The following HEXD variants were observed in gnomAD, a reference collection of about 807,000 sequenced individuals.
HEXD encodes hexosaminidase D.
A neutral mutation model predicts 54.2 loss-of-function variants in HEXD; 47 were observed. The observed-to-expected ratio is 0.87, with a 90% CI of 0.69 to 1.11. The LOEUF (loss-of-function observed/expected upper bound fraction) is 1.11. Ranked by LOEUF, HEXD falls within the 50% of genes least tolerant of loss-of-function variation. HEXD has a pLI of 0.00. For synonymous variants in HEXD, 293 were observed against 287.6 expected, an observed-to-expected ratio of 1.02 and a Z score of -0.19; for missense variants, 576 against 649.2, an observed-to-expected ratio of 0.89 and a Z score of 1.23.
At position 82,442,480 on chromosome 17, in the gene HEXD, C is replaced by A. The variant is rs777626009; in HGVS notation, c.*96C>A. ...ATACGGGCCCACGTGGGCGTCGTGC[C>A]CTCTGGCCCAGCAGTGTCTTGCCCA... On this transcript the variant is annotated 3_prime_UTR_variant, in exon 13 of 13. Transcript: ENST00000327949. The surrounding 1 kb of genome is among the most constrained non-coding windows in gnomAD (Gnocchi z 6.8). 1.9e-6 allele frequency: 3 copies of A among 1,605,364 alleles called. No individual in the cohort carries two copies. Among genetic ancestry groups the A allele is most frequent in the Middle Eastern group, 1.7e-4 (1 of 6,042 alleles).
chr17:82,418,374 G>T lies in HEXD; in HGVS notation c.-418G>T. On this transcript the variant is annotated 5_prime_UTR_variant, in exon 1 of 13. Transcript: ENST00000327949. ...TCCCGCCCACTCCATGGCCCTGTCC[G>T]CCGCCGCAGCGCGCGCCCTTCCCCT... The T allele has an allele frequency of 7.3e-7, 1 of 1,365,128 alleles. No individual in the cohort carries two copies. The allele number at this position is 1,365,128 out of a possible 1,614,324, so 84.6% of individuals were successfully genotyped here. A position where few individuals can be genotyped will look rare whatever the true frequency, so the allele number is the denominator to read the frequency against.
chr17:82,441,216 A>C lies in HEXD; in HGVS notation c.1113A>C (p.Gln371His), dbSNP rs201679634. The C allele has an allele frequency of 1.4e-4, 225 of 1,612,860 alleles. No homozygotes were observed. Among genetic ancestry groups the C allele is most frequent in the African/African-American group, 6.5e-4 (49 of 74,970 alleles). The change falls in exon 11 of 13, where the codon CAA (glutamine) becomes CAC (histidine). Residue 371 changes from glutamine to histidine, a missense_variant. Coordinates refer to ENST00000327949, the MANE Select transcript of HEXD (RefSeq NM_001330542.2). ...GCAACATCCTTGCCCTTGTCACACA[A>C]GTCAGCCTCCATCTGCGCAGCTCTG... ...PGSNILALVTQVSLHLRSSVD... is the reference protein window; with the variant it reads ...PGSNILALVTHVSLHLRSSVD...
At chr17:82,422,918 G>A (rs999047975) in intron 2 of HEXD, among the ~76,000 whole-genome samples, 42 of 151,986 alleles carry the variant, frequency 2.8e-4, no homozygotes, top group Non-Finnish European at 5.9e-5. Flanking sequence ...TTAGCCAGGC[G>A]TGGTGTCAGG....
Position 82,442,252 on chromosome 17 carries a change from G to T in HEXD, c.1329G>T (p.Val443=). The change falls in exon 13 of 13, where the codon GTG becomes GTT. Residue 443 remains valine (V), a synonymous_variant. Transcript: ENST00000327949. This position sits in a 1 kb window ranked among gnomAD's most constrained non-coding sequence, Gnocchi z 6.8. The stretch of plus-strand genomic sequence containing the variant: ...AGCTGGCTTTCTACCCGGATGCCGT[G>T]GAGGAGTGGCTGGAGGAAAACGTGC... The part of the protein sequence containing the change: ...ALQLAFYPDA[V]EEWLEENVHP... 1 of 1,606,600 alleles carries T rather than the reference G, an allele frequency of 6.2e-7. No homozygotes were observed.
Position 82,440,837 on chromosome 17 carries a change from C to A in HEXD, c.983-160C>A, listed in dbSNP as rs375236144. ...AGAGAAGCAGCAGGCCCATTTGCCC[C>A]CAGGTCCCCTTGGGGCCGGCACACG... On this transcript the variant is annotated intron_variant, in intron 9 of 12. Coordinates refer to ENST00000327949, the MANE Select transcript of HEXD (RefSeq NM_001330542.2). Among the ~76,000 whole-genome samples, 216 of 152,330 alleles carry A rather than the reference C, an allele frequency of 1.4e-3. 2 individuals are homozygous for A. Among genetic ancestry groups the A allele is most frequent in the Non-Finnish European group, 2.7e-3 (184 of 68,030 alleles).
intron 2 of HEXD, 76 bp from the exon 3 acceptor site, chr17:82,424,318 C>A: frequency 2.3e-6 from 2 of 885,502 alleles, no homozygotes; most frequent in Admixed American, 1.8e-5. Flanking sequence ...AAAGGGAAGG[C>A]GTCTCCCTGC....
chr17:82,424,825 CAGA>C (rs1172171029), intron 3 of HEXD, among the ~76,000 whole-genome samples: 5 of 152,082 alleles, frequency 3.3e-5, no homozygotes, highest in Non-Finnish European at 7.4e-5. Context: ...GGCTGGACTA[CAGA>C]AGGTTAGAGA....
chr17:82,440,905 A>T, intron 9 of HEXD, 92 bp from the exon 10 acceptor site: 1 of 1,430,164 alleles, frequency 7.0e-7, no homozygotes, highest in Non-Finnish European at 9.7e-7. Context: ...CCGCCCGCCC[A>T]CTGCCCCAGT....
chr17:82,437,189 G>C lies in HEXD; in HGVS notation c.725G>C (p.Arg242Pro). Residue 242 changes from arginine to proline, a missense_variant, in exon 8 of 13, where the codon CGG (arginine) becomes CCG (proline). Physicochemically the swap from Arg to Pro is moderately radical, Grantham distance 103. Transcript: ENST00000327949. ...HGKVLLMQKY[R>P]RCGFPQLWAA... ...CCAGTCCTCCTCATGCAGAAGTACC[G>C]GCGGTGCGGCTTTCCGCAGCTGTGG... 1 of 1,595,288 alleles carries C rather than the reference G, an allele frequency of 6.3e-7. No individual in the cohort carries two copies.
chr17:82,440,235 A>G, intron 9 of HEXD: 1 of 1,289,074 alleles, frequency 7.8e-7, no homozygotes, highest in South Asian at 1.2e-5. Context: ...CCACACGGGA[A>G]ATTAGCGACT....
In HEXD at chr17:82,434,036, A is replaced by G. The variant is rs1295120904; in HGVS notation, c.447+214A>G. On this transcript the variant is annotated intron_variant, in intron 5 of 12. Transcript: ENST00000327949. This position sits in a 1 kb window ranked among gnomAD's most constrained non-coding sequence, Gnocchi z 4.5. ...GGCACCCTCGTGTCAGACGCGTCCA[A>G]CATCTTCTCCGGGTGGATGGGCGGC... Among the ~76,000 whole-genome samples the G allele has an allele frequency of 1.3e-5, 2 of 148,344 alleles. No individual in the cohort carries two copies. Among genetic ancestry groups the G allele is most frequent in the Non-Finnish European group, 3.0e-5 (2 of 66,706 alleles).
At chr17:82,428,723 G>A in intron 4 of HEXD, 78 bp downstream of exon 4, 2 of 1,261,002 alleles carry the variant, frequency 1.6e-6, no homozygotes, top group Non-Finnish European at 2.3e-6. Flanking sequence ...CTTGTGCCCA[G>A]GGGTGGGTGC....
chr17:82,424,705 G>C (rs2053346284), intron 3 of HEXD, among the ~76,000 whole-genome samples: 1 of 152,254 alleles, frequency 6.6e-6, no homozygotes, highest in African/African-American at 2.4e-5. Context: ...ATTCACTGGA[G>C]AGAATTTTGA....
chr17:82,420,056 AAACAG>A, intron 2 of HEXD, 173 bp downstream of exon 2: 1 of 400,264 alleles, frequency 2.5e-6, no homozygotes, highest in Non-Finnish European at 4.5e-6. Context: ...CCTCTCACAA[AAACAG>A]AACAACCAGG....
Position 82,436,671 on chromosome 17 carries a change from C to G in HEXD, c.636C>G (p.Ser212=). Reference sequence around the variant, plus strand: ...TCACGTCCGCTCTGTCTGCAGCGTCCGGGGTGCCGCAGCTGGTGGAGCCGG... The same window carrying G: ...TCACGTCCGCTCTGTCTGCAGCGTCGGGGGTGCCGCAGCTGGTGGAGCCGG... ...RDLPEDQLAA[S]GVPQLVEPVL... Residue 212 remains serine (S), a synonymous_variant, in exon 7 of 13, where the codon TCC becomes TCG. Coordinates refer to ENST00000327949, the MANE Select transcript of HEXD (RefSeq NM_001330542.2). The G allele has an allele frequency of 6.2e-7, 1 of 1,610,084 alleles. No individual in the cohort carries two copies. Among genetic ancestry groups the G allele is most frequent in the Non-Finnish European group, 8.5e-7 (1 of 1,179,164 alleles).
At position 82,419,844 on chromosome 17, in the gene HEXD, C is replaced by T; in HGVS notation, c.45C>T (p.Asp15=). 6.2e-7 allele frequency: 1 copy of T among 1,612,180 alleles called. No individual in the cohort carries two copies. The highest frequency in any genetic ancestry group is 8.5e-7 in the Non-Finnish European group (1 of 1,178,338). ...TTCAGATGAGATTAGTTCATTTAGA[C>T]CTTAAAGGAGCTCCACCAAAGGTCT... ...TPFQMRLVHL[D]LKGAPPKVSY... is the part of the protein sequence containing the mutation. Residue 15 remains aspartate, a synonymous_variant, in exon 2 of 13, where the codon GAC becomes GAT. Coordinates refer to ENST00000327949, the MANE Select transcript of HEXD (RefSeq NM_001330542.2).
At chr17:82,440,436 C>A in intron 9 of HEXD, 1 of 671,008 alleles carries the variant, frequency 1.5e-6, no homozygotes, top group Non-Finnish European at 2.1e-6. Context: ...CTGTACCCCA[C>A]ACTAAAGAGC....
intron 9 of HEXD, chr17:82,440,415 AAC>A: frequency 4.7e-6 from 4 of 848,240 alleles, no homozygotes; most frequent in Non-Finnish European, 4.8e-6. Context: ...AAACGATAAA[AAC>A]AGACACCCCT....
At chr17:82,425,155 G>T (rs1192763934) in intron 3 of HEXD, among the ~76,000 whole-genome samples, 3 of 148,314 alleles carry the variant, frequency 2.0e-5, no homozygotes, top group African/African-American at 2.5e-5. Flanking sequence ...GCTGGAGGAG[G>T]CTAGAGAAGG....
Sources: gnomAD v4.1 joint callset for allele counts (sites outside exome capture counted in the v4.1 genomes callset) on GRCh38, gnomAD v4.1.1 for gene constraint, Gnocchi (gnomAD v3.1) non-coding constraint, MANE v1.5 for transcripts, NCBI Gene and HGNC (gene_info 2026-07-23, HGNC 2026-07-21) for gene names.